The following MTMR3 variants were observed in gnomAD, a reference collection of about 807,000 sequenced individuals.
The protein encoded by MTMR3 is myotubularin related protein 3.
Under a neutral mutation model 132.4 loss-of-function variants are expected in MTMR3, and 32 were observed. That is an observed-to-expected ratio of 0.24 (90% confidence interval 0.18 to 0.32). MTMR3 has a LOEUF of 0.32. MTMR3 is among the 10% of genes least tolerant of loss of function. The probability of loss-of-function intolerance (pLI) is 1.00; values close to 1 mark genes in which losing one functional copy is unlikely to be tolerated. For missense variants in MTMR3, 1,216 were observed against 1,489.6 expected (o/e 0.82, Z 3.02); for synonymous variants, 556 against 550.3 (o/e 1.01, Z -0.14).
intron 19 of MTMR3, 96 bp downstream of exon 19, chr22:30,022,793 T>C: frequency 8.9e-7 from 1 of 1,125,488 alleles, no homozygotes; most frequent in Non-Finnish European, 1.3e-6. Flanking sequence ...TATCTCAGTG[T>C]TCTGTCTGAG....
At position 29,883,237 on chromosome 22, in the gene MTMR3, A is replaced by C. The variant is rs541016029; in HGVS notation, c.-260A>C. 1 of 153,270 alleles carries C rather than the reference A, an allele frequency of 6.5e-6. No homozygotes were observed. Among genetic ancestry groups the C allele is most frequent in the East Asian group, 1.9e-4 (1 of 5,196 alleles). 9.5% of individuals were successfully genotyped at this position (153,270 alleles called of 1,614,324 possible). Reference sequence around the variant, plus strand: ...GAGAAGGCGGCGGCGGCGGCGGAGTAGCAGCCGGACGAGACGTCCCAGCGG... The same window carrying C: ...GAGAAGGCGGCGGCGGCGGCGGAGTCGCAGCCGGACGAGACGTCCCAGCGG... On this transcript the variant is annotated 5_prime_UTR_variant, in exon 1 of 20. Coordinates refer to ENST00000401950, the MANE Select transcript of MTMR3 (RefSeq NM_021090.4).
chr22:29,948,210 TC>T (rs1283031665), intron 1 of MTMR3, among the ~76,000 whole-genome samples: 1 of 152,232 alleles, frequency 6.6e-6, no homozygotes, highest in African/African-American at 2.4e-5. Flanking sequence ...AAAATTCAAA[TC>T]TGTTCCTTTT....
intron 1 of MTMR3, among the ~76,000 whole-genome samples, chr22:29,949,118 CACACACACACACACACACACACACA>C (rs1168525189): frequency 9.0e-5 from 3 of 33,192 alleles, no homozygotes; most frequent in African/African-American, 3.2e-4. Context: ...CACACACACA[CACACACACACACACACACACACACA>C]CCCCCCCCCC....
At chr22:29,929,677 C>CT (rs901132886) in intron 1 of MTMR3, among the ~76,000 whole-genome samples, 2 of 151,584 alleles carry the variant, frequency 1.3e-5, no homozygotes, top group Non-Finnish European at 1.5e-5. Context: ...GCCCGGCTAA[C>CT]TTTTTTTTGT....
chr22:29,901,853 A>G (rs1262253699), intron 1 of MTMR3, among the ~76,000 whole-genome samples: 2 of 152,148 alleles, frequency 1.3e-5, no homozygotes, highest in Non-Finnish European at 2.9e-5. Context: ...AACCTAATGT[A>G]TTTTGAGATT....
intron 1 of MTMR3, among the ~76,000 whole-genome samples, chr22:29,918,535 A>G (rs944562287): frequency 6.6e-6 from 1 of 152,140 alleles, no homozygotes; most frequent in Non-Finnish European, 1.5e-5. Context: ...AGTGCCACCT[A>G]TTTACTAGGC....
rs959294799 is a variant in MTMR3 at position 30,030,370 on chromosome 22, C to T, written c.*4569C>T. The T allele has an allele frequency of 6.6e-6, 1 of 151,928 alleles. No homozygotes were observed. The highest frequency in any genetic ancestry group is 2.4e-5 in the African/African-American group (1 of 41,306). 9.4% of individuals were successfully genotyped at this position (151,928 alleles called of 1,614,324 possible). A position where few individuals can be genotyped will look rare whatever the true frequency, so the allele number is the denominator to read the frequency against. ...TTTTTTTTTTTAATGAAAACATAACCCATGAGGCTCAGATGCTGTTGAAGA... is the reference window on the plus strand; with the variant it reads ...TTTTTTTTTTTAATGAAAACATAACTCATGAGGCTCAGATGCTGTTGAAGA... On this transcript the variant is annotated 3_prime_UTR_variant, in exon 20 of 20. Transcript: ENST00000401950.
intron 7 of MTMR3, chr22:29,997,438 C>T (rs1306443481): frequency 2.0e-5 from 3 of 152,208 alleles, no homozygotes; most frequent in Non-Finnish European, 4.4e-5. Flanking sequence ...TATTTTACAA[C>T]CTGTACCACT....
At chr22:29,908,041 T>C (rs1033828121) in intron 1 of MTMR3, among the ~76,000 whole-genome samples, 1 of 152,174 alleles carries the variant, frequency 6.6e-6, no homozygotes, top group Non-Finnish European at 1.5e-5. Flanking sequence ...GAGATCTTGC[T>C]TGTACCTCCT....
chr22:29,951,372 A>G (rs1198850114), intron 1 of MTMR3, among the ~76,000 whole-genome samples: 1 of 152,146 alleles, frequency 6.6e-6, no homozygotes, highest in Non-Finnish European at 1.5e-5. Flanking sequence ...TTAAAAGGAA[A>G]ATGCTTGTAA....
intron 3 of MTMR3, among the ~76,000 whole-genome samples, chr22:29,977,811 G>A (rs989333296): frequency 6.6e-6 from 1 of 152,110 alleles, no homozygotes; most frequent in African/African-American, 2.4e-5. Flanking sequence ...ATTTAAGATC[G>A]TAACTTAAAG....
intron 7 of MTMR3, chr22:29,994,062 A>G: frequency 1.0e-6 from 1 of 965,208 alleles, no homozygotes; most frequent in South Asian, 4.8e-5. Flanking sequence ...TGATCCAGGT[A>G]TCCTGAAGAT....
intron 2 of MTMR3, 28 bp from the exon 3 acceptor site, chr22:29,970,948 T>TTTTCCCC: frequency 1.5e-6 from 1 of 685,458 alleles, no homozygotes; most frequent in Non-Finnish European, 2.3e-6. Context: ...TTTTTTTTCT[T>TTTTCCCC]CTTCCCCCTC....
rs1209402115 is a variant in MTMR3, at chr22:29,978,504, G to A, written c.66G>A (p.Gln22=). ...CCAATCAGATCTTTCCCAGGAAGCA[G>A]CTGATCCGGGAGGATGAGAATCTTC... ...IQANQIFPRK[Q]LIREDENLQV... is the part of the protein sequence containing the mutation. Residue 22 remains glutamine (Q), a synonymous_variant, in exon 4 of 20, where the codon CAG becomes CAA. Transcript: ENST00000401950. The A allele has an allele frequency of 6.2e-7, 1 of 1,613,766 alleles. No homozygotes were observed.
chr22:29,994,199 G>A, intron 7 of MTMR3: 1 of 942,326 alleles, frequency 1.1e-6, no homozygotes, highest in Non-Finnish European at 1.3e-6. Flanking sequence ...TTTGGCTAGA[G>A]ATTATGAGTA....
At chr22:29,957,228 T>G (rs2145844151) in intron 2 of MTMR3, 140 bp downstream of exon 2, 1 of 150,938 alleles carries the variant, frequency 6.6e-6, no homozygotes. Context: ...TAGATGAGTT[T>G]TTCTATGTTC....
intron 1 of MTMR3, among the ~76,000 whole-genome samples, chr22:29,942,380 A>T (rs1324144707): frequency 1.3e-5 from 2 of 152,216 alleles, no homozygotes; most frequent in Admixed American, 6.5e-5. Flanking sequence ...AAATGGAGGC[A>T]GGGCGAGATC....
In MTMR3 at chr22:30,022,069, G is replaced by A; in HGVS notation, c.3266G>A (p.Cys1089Tyr). The A allele has an allele frequency of 6.2e-7, 1 of 1,614,230 alleles. No homozygotes were observed. Among genetic ancestry groups the A allele is most frequent in the Non-Finnish European group, 8.5e-7 (1 of 1,180,036 alleles). Residue 1089 changes from cysteine (C) to tyrosine (Y), a missense_variant, in exon 18 of 20, where the codon TGT becomes TAT. Physicochemically the swap from Cys to Tyr is radical, Grantham distance 194. Transcript: ENST00000401950. ...TCGGAAAGCAATCTGGATCAGAACT[G>A]TTTGTCTCGCTGCAGCACAGAGATT... is the stretch of plus-strand genomic sequence containing the variant. Reference protein sequence around the residue: ...PDSESNLDQNCLSRCSTEIFS... With the variant: ...PDSESNLDQNYLSRCSTEIFS...
chr22:29,934,623 A>G (rs778843492), intron 1 of MTMR3, among the ~76,000 whole-genome samples: 2 of 152,188 alleles, frequency 1.3e-5, no homozygotes, highest in Non-Finnish European at 2.9e-5. Context: ...CTTTGAAAAG[A>G]TTCTATTTTA....
Sources: gnomAD v4.1 joint callset for allele counts (sites outside exome capture counted in the v4.1 genomes callset) on GRCh38, gnomAD v4.1.1 for gene constraint, MANE v1.5 for transcripts, NCBI Gene and HGNC (gene_info 2026-07-23, HGNC 2026-07-21) for gene names.